Variants in PCDH9 observed in about 807,000 individuals in gnomAD.
PCDH9 encodes the protein protocadherin 9.
PCDH9 carries 24 observed loss-of-function variants against 70.6 expected under a neutral mutation model. The ratio of observed to expected loss-of-function variants is 0.34; its 90% confidence interval spans 0.25 to 0.48. PCDH9 has a LOEUF of 0.48. Among genes scored for constraint, PCDH9 ranks in the 20% least tolerant of loss-of-function variants. PCDH9 has a pLI of 0.99. For synonymous variants in PCDH9, 562 were observed against 558.5 expected (o/e 1.01, Z -0.09); for missense variants, 1,281 against 1,503.6 (o/e 0.85, Z 2.45).
rs368914241 is a variant in PCDH9, at chr13:66,384,715, A to G, written c.3341-79687T>C. ...AGTTTCACTCTGACACTCAGGCTGG[A>G]GTGCAGTGGCACAATCTTGGCTCAA... On this transcript the variant is annotated intron_variant, in intron 4 of 4. Transcript: ENST00000377865. Among the ~76,000 whole-genome samples, 6 of 152,142 alleles carry G rather than the reference A, an allele frequency of 3.9e-5. No homozygotes were observed. In the East Asian group the frequency reaches 1.2e-3, roughly 29 times the overall value.
At chr13:67,225,335 T>C in intron 2 of PCDH9, 70 bp downstream of exon 2, 3 of 1,485,386 alleles carry the variant, frequency 2.0e-6, no homozygotes, top group Non-Finnish European at 1.9e-6. Flanking sequence ...ATAGACATAC[T>C]GGCACGTTAA....
At chr13:66,324,076 C>T (rs762905692) in intron 4 of PCDH9, among the ~76,000 whole-genome samples, 3 of 151,954 alleles carry the variant, frequency 2.0e-5, no homozygotes, top group African/African-American at 7.3e-5. Flanking sequence ...CTAGCTCCAC[C>T]CTCCTCTTCT....
intron 2 of PCDH9, chr13:67,204,015 G>T (rs987265897): frequency 6.6e-6 from 1 of 151,928 alleles, no homozygotes; most frequent in Non-Finnish European, 1.5e-5. Context: ...ACTTCAAAAA[G>T]ACATGGAAAA....
chr13:66,711,044 T>C (rs1056477459), intron 3 of PCDH9, among the ~76,000 whole-genome samples: 3 of 152,164 alleles, frequency 2.0e-5, no homozygotes, highest in African/African-American at 4.8e-5. Context: ...GATTAGGACA[T>C]GTAGTTCTTC....
intron 2 of PCDH9, among the ~76,000 whole-genome samples, chr13:67,130,154 T>C (rs2087077003): frequency 6.6e-6 from 1 of 152,162 alleles, no homozygotes; most frequent in South Asian, 2.1e-4. Context: ...ATTTTCATAT[T>C]ATGAATGAGC....
At chr13:66,610,220 A>G (rs2077276320) in intron 4 of PCDH9, among the ~76,000 whole-genome samples, 1 of 152,056 alleles carries the variant, frequency 6.6e-6, no homozygotes, top group South Asian at 2.1e-4. Flanking sequence ...TCTTAGAAAG[A>G]GAGAGAACAG....
intron 4 of PCDH9, among the ~76,000 whole-genome samples, chr13:66,373,218 G>A (rs1336811151): frequency 6.6e-6 from 1 of 151,936 alleles, no homozygotes; most frequent in Non-Finnish European, 1.5e-5. Flanking sequence ...TATGCCAGAT[G>A]AAATAAGACA....
chr13:66,855,428 A>C (rs1431784406), intron 3 of PCDH9, among the ~76,000 whole-genome samples: 3 of 152,058 alleles, frequency 2.0e-5, no homozygotes. Context: ...ACAAAGTACA[A>C]ATCTCCCAAT....
intron 4 of PCDH9, among the ~76,000 whole-genome samples, chr13:66,591,403 T>C (rs879818049): frequency 3.3e-5 from 5 of 150,230 alleles, no homozygotes; most frequent in Admixed American, 6.7e-5. Context: ...ATTAAAGGTA[T>C]AGCAGTATGG....
At chr13:66,335,801 G>A (rs916513075) in intron 4 of PCDH9, among the ~76,000 whole-genome samples, 1 of 152,056 alleles carries the variant, frequency 6.6e-6, no homozygotes, top group East Asian at 1.9e-4. Context: ...AGAGGAACTT[G>A]ACTATTTTCT....
chr13:66,606,706 C>T (rs2077226562), intron 4 of PCDH9, among the ~76,000 whole-genome samples: 1 of 152,000 alleles, frequency 6.6e-6, no homozygotes, highest in African/African-American at 2.4e-5. Context: ...CATTTATGCC[C>T]TACATTTTTA....
At chr13:66,705,226 G>A (rs1208564842) in intron 3 of PCDH9, among the ~76,000 whole-genome samples, 2 of 151,934 alleles carry the variant, frequency 1.3e-5, no homozygotes, top group African/African-American at 2.4e-5. Flanking sequence ...TATTATAAAT[G>A]GCACATGTGC....
chr13:66,759,951 G>A (rs2079598118), intron 3 of PCDH9, among the ~76,000 whole-genome samples: 1 of 152,030 alleles, frequency 6.6e-6, no homozygotes, highest in Non-Finnish European at 1.5e-5. Flanking sequence ...GTTGTTCTGT[G>A]CTCAGATGTT....
rs965135356 is a variant in PCDH9 at position 66,880,835 on chromosome 13, G to A, written c.3138+22669C>T. ...ATAATAATTCAAAAAATTAACTAGA[G>A]AGCAATTGCTTATTGCTAGAAAATT... On this transcript the variant is annotated intron_variant, in intron 3 of 4. Transcript: ENST00000377865. Among the ~76,000 whole-genome samples, 4 of 152,260 alleles carry A rather than the reference G, an allele frequency of 2.6e-5. No homozygotes were observed. The East Asian group carries it at 7.7e-4, about 29-fold the overall frequency.
At chr13:66,509,625 T>G (rs1432069462) in intron 4 of PCDH9, among the ~76,000 whole-genome samples, 1 of 152,072 alleles carries the variant, frequency 6.6e-6, no homozygotes, top group Non-Finnish European at 1.5e-5. Flanking sequence ...TTCTTCTTCT[T>G]CTTGTTTGGT....
chr13:66,421,493 G>C (rs1957566979), intron 4 of PCDH9, among the ~76,000 whole-genome samples: 2 of 152,180 alleles, frequency 1.3e-5, no homozygotes, highest in Non-Finnish European at 2.9e-5. Flanking sequence ...CCAGAAGAGA[G>C]TGGAGGCCAA....
intron 2 of PCDH9, among the ~76,000 whole-genome samples, chr13:67,083,764 T>A (rs891528732): frequency 6.6e-6 from 1 of 152,166 alleles, no homozygotes; most frequent in East Asian, 1.9e-4. Flanking sequence ...TTCTAGAAAC[T>A]GCCTTTATGA....
intron 4 of PCDH9, among the ~76,000 whole-genome samples, chr13:66,467,617 C>T (rs1958540889): frequency 6.6e-6 from 1 of 152,040 alleles, no homozygotes; most frequent in African/African-American, 2.4e-5. Flanking sequence ...GCTCTAGATA[C>T]CTTCTGGAGT....
chr13:66,375,617 A>C (rs574227731), intron 4 of PCDH9, among the ~76,000 whole-genome samples: 4 of 152,266 alleles, frequency 2.6e-5, no homozygotes, highest in African/African-American at 9.6e-5. Context: ...CTGGTAATGT[A>C]AATGTAGCCA....
Sources: gnomAD v4.1 joint callset for allele counts (sites outside exome capture counted in the v4.1 genomes callset) on GRCh38, gnomAD v4.1.1 for gene constraint, MANE v1.5 for transcripts, NCBI Gene and HGNC (gene_info 2026-07-23, HGNC 2026-07-21) for gene names.